Variants in ELL2 observed in about 807,000 individuals in gnomAD.
ELL2 encodes the protein RNA polymerase II elongation factor ELL2.
In ELL2, 21 loss-of-function variants were observed where a neutral mutation model predicts 72.8. The ratio of observed to expected loss-of-function variants is 0.29; its 90% CI spans 0.20 to 0.42. The LOEUF (loss-of-function observed/expected upper bound fraction) is 0.42, where lower values mean the gene tolerates loss of function less well. Ranked by LOEUF, ELL2 falls within the 10% of genes least tolerant of loss-of-function variation. ELL2 has a pLI of 1.00. For synonymous variants in ELL2, 266 were observed against 283.2 expected, an observed-to-expected ratio of 0.94 and a Z score of 0.61; for missense variants, 568 against 772.8, an observed-to-expected ratio of 0.73 and a Z score of 3.14.
chr5:95,895,777 C>A, intron 8 of ELL2, 86 bp from the exon 9 acceptor site: 1 of 1,030,612 alleles, frequency 9.7e-7, no homozygotes. Context: ...TTAGAAACAT[C>A]TGGAACACTT....
Position 95,927,484 on chromosome 5 carries a change from CGTGTGTATATAG to C in ELL2, c.196-7951_196-7940del, listed in dbSNP as rs1750372785. ...ACGTGTGTATATAGACATACACACACGTGTGTATATAGACATACACACACGTGTGTATATAGA... is the reference window on the plus strand; with the variant it reads ...ACGTGTGTATATAGACATACACACACACATACACACACGTGTGTATATAGA... On this transcript the variant is annotated intron_variant, in intron 2 of 11. Coordinates refer to ENST00000237853, the MANE Select transcript of ELL2 (RefSeq NM_012081.6). Among the ~76,000 whole-genome samples, 4 of 31,210 alleles carry C rather than the reference CGTGTGTATATAG, an allele frequency of 1.3e-4. 1 individual carries two copies. Among genetic ancestry groups the C allele is most frequent in the Non-Finnish European group, 2.0e-4 (4 of 19,534 alleles). The allele number at this position is 31,210 out of a possible 152,430, so 20.5% of individuals were successfully genotyped here.
At chr5:95,954,580 TTTC>T (rs1751551502) in intron 1 of ELL2, among the ~76,000 whole-genome samples, 1 of 122,234 alleles carries the variant, frequency 8.2e-6, no homozygotes, top group African/African-American at 3.8e-5. Flanking sequence ...CTAATTTTCT[TTTC>T]TTTTTTTTTT....
chr5:95,919,401 A>G (rs1245198917), intron 3 of ELL2, 23 bp downstream of exon 3: 2 of 1,569,354 alleles, frequency 1.3e-6, no homozygotes, highest in South Asian at 1.2e-5. Context: ...TTTCCCCTTC[A>G]GTGTACCTTG....
chr5:95,888,885 C>T lies in ELL2; in HGVS notation c.1909G>A (p.Glu637Lys), dbSNP rs1397544844. The T allele has an allele frequency of 6.2e-7, 1 of 1,607,796 alleles. No individual in the cohort carries two copies. Among genetic ancestry groups the T allele is most frequent in the East Asian group, 2.2e-5 (1 of 44,784 alleles). Residue 637 changes from glutamate (E) to lysine (K), a missense_variant, in exon 12 of 12, where the codon GAG becomes AAG. This residue lies in a region of ELL2 where 511 missense variants were observed against 728.4 expected (regional missense o/e 0.70). Transcript: ENST00000237853. ...LIGEFDQQQA[E>K]SWS Reference sequence around the variant, plus strand: ...CAAGCAGAGTTCTAGGACCATGACTCTGCTTGCTGTTGGTCAAATTCACCT... The same window carrying T: ...CAAGCAGAGTTCTAGGACCATGACTTTGCTTGCTGTTGGTCAAATTCACCT...
At chr5:95,915,707 T>G (rs1025401742) in intron 3 of ELL2, among the ~76,000 whole-genome samples, 1 of 152,150 alleles carries the variant, frequency 6.6e-6, no homozygotes, top group African/African-American at 2.4e-5. Context: ...TGAGGTGATC[T>G]AGAAAGATGA....
At chr5:95,928,979 C>T (rs1750493933) in intron 2 of ELL2, among the ~76,000 whole-genome samples, 1 of 152,148 alleles carries the variant, frequency 6.6e-6, no homozygotes, top group African/African-American at 2.4e-5. Context: ...CAATACCGTG[C>T]TTGCTGGGTG....
At position 95,961,615 on chromosome 5, in the gene ELL2, T is replaced by C; in HGVS notation, c.107A>G (p.Glu36Gly). The change falls in exon 1 of 12, where the codon GAG becomes GGG. Residue 36 changes from glutamate (E) to glycine (G), a missense_variant. Transcript: ENST00000237853. ...NITVLHVKLT[E>G]TAIRALETYQ... ...AGTCTCGAGCGCCCGGATCGCCGTCTCGGTGAGCTTCACATGCAGTACGGT... is the reference window on the plus strand; with the variant it reads ...AGTCTCGAGCGCCCGGATCGCCGTCCCGGTGAGCTTCACATGCAGTACGGT... 1 of 1,606,492 alleles carries C rather than the reference T, an allele frequency of 6.2e-7. No homozygotes were observed. The highest frequency in any genetic ancestry group is 8.5e-7 in the Non-Finnish European group (1 of 1,177,270).
At chr5:95,958,479 T>C (rs1360528568) in intron 1 of ELL2, among the ~76,000 whole-genome samples, 2 of 152,184 alleles carry the variant, frequency 1.3e-5, no homozygotes, top group Non-Finnish European at 2.9e-5. Context: ...GTACATTCAG[T>C]CACCAGAAAG....
intron 2 of ELL2, among the ~76,000 whole-genome samples, chr5:95,933,655 C>T (rs754794961): frequency 3.3e-5 from 5 of 152,028 alleles, no homozygotes; most frequent in Non-Finnish European, 7.4e-5. Context: ...GTATTTTATA[C>T]ACTTTACAAA....
chr5:95,928,451 T>C (rs1750474874), intron 2 of ELL2, among the ~76,000 whole-genome samples: 1 of 152,140 alleles, frequency 6.6e-6, no homozygotes, highest in Non-Finnish European at 1.5e-5. Flanking sequence ...TAAACTAAAT[T>C]ATCATCTCGT....
chr5:95,944,771 A>G (rs1406851972), intron 1 of ELL2, among the ~76,000 whole-genome samples: 1 of 152,210 alleles, frequency 6.6e-6, no homozygotes, highest in African/African-American at 2.4e-5. Context: ...GAAGCACTGA[A>G]CATAACCTCA....
In ELL2 at chr5:95,887,246, C is replaced by T. The variant is rs1388895351; in HGVS notation, c.*1625G>A. 1 of 152,176 alleles carries T rather than the reference C, an allele frequency of 6.6e-6. No homozygotes were observed. Among genetic ancestry groups the T allele is most frequent in the Non-Finnish European group, 1.5e-5 (1 of 68,012 alleles). The allele number at this position is 152,176 out of a possible 1,614,324, so 9.4% of individuals were successfully genotyped here. ...CAGTCTTTGTATAGTCTGTATACTT[C>T]TGTATACATTTAGTATATTATCTAA... On this transcript the variant is annotated 3_prime_UTR_variant, in exon 12 of 12. Coordinates refer to ENST00000237853, the MANE Select transcript of ELL2 (RefSeq NM_012081.6).
intron 1 of ELL2, among the ~76,000 whole-genome samples, chr5:95,944,109 T>C (rs187307262): frequency 7.6e-4 from 116 of 152,318 alleles, no homozygotes; most frequent in African/African-American, 2.6e-3. Context: ...ACCTCAGCTA[T>C]AGCACATCAC....
Position 95,943,027 on chromosome 5 carries a change from G to A in ELL2, c.170C>T (p.Ser57Leu). ...SHKNLIPFRPSIQFQGLHGLV... is the reference protein window; with the variant it reads ...SHKNLIPFRPLIQFQGLHGLV... ...CCCGTGGAGTCCTTGGAACTGGATT[G>A]AAGGTCGAAAAGGAATTAAATTCTA... The change falls in exon 2 of 12, where the codon TCA (serine) becomes TTA (leucine). Residue 57 changes from serine to leucine, a missense_variant. Coordinates refer to ENST00000237853, the MANE Select transcript of ELL2 (RefSeq NM_012081.6). 6.2e-7 allele frequency: 1 copy of A among 1,602,906 alleles called. No individual in the cohort carries two copies. The highest frequency in any genetic ancestry group is 8.5e-7 in the Non-Finnish European group (1 of 1,174,524).
At chr5:95,907,296 A>ATATATTTTTTTTT in intron 4 of ELL2, among the ~76,000 whole-genome samples, 3 of 116,492 alleles carry the variant, frequency 2.6e-5, no homozygotes, top group Admixed American at 8.6e-5. Flanking sequence ...ATATATATAT[A>ATATATTTTTTTTT]TTTTTTTTTT....
intron 1 of ELL2, among the ~76,000 whole-genome samples, chr5:95,948,429 CAAA>C (rs1187881368): frequency 2.6e-4 from 9 of 35,210 alleles, no homozygotes; most frequent in East Asian, 8.5e-4. Flanking sequence ...GACTCCGCCT[CAAA>C]AAAAAAAAAA....
intron 4 of ELL2, among the ~76,000 whole-genome samples, chr5:95,911,216 A>C (rs1228736262): frequency 6.6e-6 from 1 of 152,242 alleles, no homozygotes; most frequent in South Asian, 2.1e-4. Context: ...GCAATGGATA[A>C]GGTTAAAAGA....
chr5:95,909,913 G>C (rs193169269), intron 4 of ELL2, among the ~76,000 whole-genome samples: 5 of 145,040 alleles, frequency 3.4e-5, no homozygotes, highest in Non-Finnish European at 7.5e-5. Flanking sequence ...TTCTGCAGTT[G>C]TTTTTCCATT....
intron 3 of ELL2, among the ~76,000 whole-genome samples, chr5:95,916,185 G>C (rs539231277): frequency 6.6e-6 from 1 of 152,162 alleles, no homozygotes; most frequent in South Asian, 2.1e-4. Context: ...CACTCAGAGA[G>C]AGGTGGGGGA....
Sources: gnomAD v4.1 joint callset for allele counts (sites outside exome capture counted in the v4.1 genomes callset) on GRCh38, gnomAD v4.1.1 for gene constraint, gnomAD v4.1.1 regional missense constraint, MANE v1.5 for transcripts, NCBI Gene and HGNC (gene_info 2026-07-23, HGNC 2026-07-21) for gene names.